The following MYO1D variants were observed in gnomAD, a reference collection of about 807,000 sequenced individuals.
The protein encoded by MYO1D is unconventional myosin-Id.
A neutral mutation model predicts 122.0 loss-of-function variants in MYO1D; 83 were observed. The ratio of observed to expected loss-of-function variants is 0.68; its 90% CI spans 0.57 to 0.82. The LOEUF (loss-of-function observed/expected upper bound fraction) is 0.82. Ranked by LOEUF, MYO1D falls within the 40% of genes least tolerant of loss-of-function variation. MYO1D has a pLI of 0.00. For missense variants in MYO1D, 1,157 were observed against 1,269.5 expected, an observed-to-expected ratio of 0.91 and a Z score of 1.35; for synonymous variants, 464 against 446.9, an observed-to-expected ratio of 1.04 and a Z score of -0.48.
chr17:32,601,856 A>T (rs2087566456), intron 21 of MYO1D, among the ~76,000 whole-genome samples: 1 of 152,254 alleles, frequency 6.6e-6, no homozygotes, highest in Non-Finnish European at 1.5e-5. Context: ...TTGTCTTCAA[A>T]TGTTTTAGCA....
At chr17:32,688,706 C>T (rs967340102) in intron 16 of MYO1D, among the ~76,000 whole-genome samples, 1 of 152,154 alleles carries the variant, frequency 6.6e-6, no homozygotes, top group African/African-American at 2.4e-5. Context: ...AAAGTCTAGT[C>T]TTAATTTTGT....
intron 10 of MYO1D, 181 bp from the exon 11 acceptor site, chr17:32,755,843 T>G: frequency 1.9e-6 from 1 of 516,274 alleles, no homozygotes; most frequent in Non-Finnish European, 3.3e-6. Flanking sequence ...TATTTTTAAA[T>G]TTCTTTGTTA....
intron 16 of MYO1D, among the ~76,000 whole-genome samples, chr17:32,683,916 C>A (rs564481089): frequency 1.2e-4 from 18 of 152,222 alleles, no homozygotes; most frequent in African/African-American, 4.3e-4. Flanking sequence ...GGGCGTAGGA[C>A]CCTCCGAGCC....
intron 19 of MYO1D, among the ~76,000 whole-genome samples, chr17:32,644,647 T>C (rs1311259473): frequency 1.3e-5 from 2 of 152,224 alleles, no homozygotes; most frequent in East Asian, 1.9e-4. Context: ...CTTGTTGAAT[T>C]GATCCCTTTA....
chr17:32,526,495 T>G (rs1441750609), intron 21 of MYO1D, among the ~76,000 whole-genome samples: 1 of 152,218 alleles, frequency 6.6e-6, no homozygotes, highest in African/African-American at 2.4e-5. Context: ...CTAGATGGTG[T>G]CTGTGCCTAA....
At chr17:32,653,507 G>C (rs1414762354) in intron 19 of MYO1D, among the ~76,000 whole-genome samples, 9 of 149,802 alleles carry the variant, frequency 6.0e-5, no homozygotes, top group Non-Finnish European at 1.3e-4. Flanking sequence ...TTGGGAGGCT[G>C]AGACAGGAGA....
intron 15 of MYO1D, among the ~76,000 whole-genome samples, chr17:32,713,518 A>C (rs2150987449): frequency 6.6e-6 from 1 of 152,338 alleles, no homozygotes; most frequent in Non-Finnish European, 1.5e-5. Flanking sequence ...TTTCCAAATG[A>C]ACTTCAGAAT....
chr17:32,862,440 C>G (rs768119886), intron 1 of MYO1D, among the ~76,000 whole-genome samples: 9 of 152,164 alleles, frequency 5.9e-5, no homozygotes, highest in Admixed American at 4.6e-4. Context: ...TTTAAGATAC[C>G]ATGCTATGTG....
intron 17 of MYO1D, 63 bp from the exon 18 acceptor site, chr17:32,654,684 C>CTT: frequency 1.4e-4 from 153 of 1,082,528 alleles, no homozygotes; most frequent in South Asian, 3.2e-4. Context: ...TTCTCTCTCT[C>CTT]TTTTTTTTTT....
intron 21 of MYO1D, among the ~76,000 whole-genome samples, chr17:32,584,986 C>T (rs1347938665): frequency 1.3e-5 from 2 of 152,140 alleles, no homozygotes; most frequent in African/African-American, 2.4e-5. Context: ...TAATTCAAAG[C>T]ATATGACAAG....
chr17:32,530,484 A>G (rs1013190737), intron 21 of MYO1D, among the ~76,000 whole-genome samples: 72 of 152,220 alleles, frequency 4.7e-4, no homozygotes, highest in African/African-American at 1.7e-3. Flanking sequence ...ACACTCTGGG[A>G]CAAGAATGAA....
chr17:32,747,268 G>A (rs2089847660), intron 12 of MYO1D, among the ~76,000 whole-genome samples: 1 of 152,070 alleles, frequency 6.6e-6, no homozygotes, highest in Non-Finnish European at 1.5e-5. Flanking sequence ...ATCTCTTCCT[G>A]CAATGGATTA....
At chr17:32,613,016 C>T (rs2087722958) in intron 20 of MYO1D, among the ~76,000 whole-genome samples, 1 of 152,094 alleles carries the variant, frequency 6.6e-6, no homozygotes, top group Admixed American at 6.5e-5. Flanking sequence ...GATCCTCCCA[C>T]CTTGGCCTCC....
At chr17:32,621,541 G>A (rs987557902) in intron 20 of MYO1D, among the ~76,000 whole-genome samples, 14 of 152,146 alleles carry the variant, frequency 9.2e-5, no homozygotes, top group Non-Finnish European at 1.9e-4. Flanking sequence ...TCCTAGCTTA[G>A]AAGACTGATG....
intron 20 of MYO1D, among the ~76,000 whole-genome samples, chr17:32,626,605 G>T (rs903733855): frequency 6.6e-6 from 1 of 151,972 alleles, no homozygotes; most frequent in Non-Finnish European, 1.5e-5. Context: ...ACTATAAATC[G>T]TTTGCTTATT....
chr17:32,643,015 A>T (rs2088226843), intron 19 of MYO1D, among the ~76,000 whole-genome samples: 1 of 152,160 alleles, frequency 6.6e-6, no homozygotes, highest in African/African-American at 2.4e-5. Flanking sequence ...TTCAAAGGGA[A>T]TGCTTCCACT....
chr17:32,685,575 T>C (rs1444460611), intron 16 of MYO1D, among the ~76,000 whole-genome samples: 1 of 151,954 alleles, frequency 6.6e-6, no homozygotes, highest in African/African-American at 2.4e-5. Flanking sequence ...TCTGTAGAGG[T>C]TTTTCCCCTA....
intron 20 of MYO1D, among the ~76,000 whole-genome samples, chr17:32,633,654 C>T (rs2088053790): frequency 6.6e-6 from 1 of 151,694 alleles, no homozygotes. Flanking sequence ...TCTGTGAACC[C>T]CCCACCAGAT....
At chr17:32,677,225 C>T (rs1567943544) in intron 16 of MYO1D, among the ~76,000 whole-genome samples, 1 of 152,102 alleles carries the variant, frequency 6.6e-6, no homozygotes, top group Non-Finnish European at 1.5e-5. Context: ...CATGCCCATA[C>T]AATTAATTTA....
Sources: gnomAD v4.1 joint callset for allele counts (sites outside exome capture counted in the v4.1 genomes callset) on GRCh38, gnomAD v4.1.1 for gene constraint, MANE v1.5 for transcripts, NCBI Gene and HGNC (gene_info 2026-07-23, HGNC 2026-07-21) for gene names.